Variants in STXBP5L observed in about 807,000 individuals in gnomAD.
STXBP5L encodes syntaxin-binding protein 5-like.
In STXBP5L, 65 loss-of-function variants were observed where a neutral mutation model predicts 144.5. The ratio of observed to expected loss-of-function variants is 0.45; its 90% CI spans 0.37 to 0.55. The LOEUF is 0.55. STXBP5L is among the 20% of genes least tolerant of loss of function. The probability of loss-of-function intolerance (pLI) is 0.00; values close to 1 mark genes in which losing one functional copy is unlikely to be tolerated. For missense variants in STXBP5L, 1,298 were observed against 1,405.5 expected (o/e 0.92, Z 1.22); for synonymous variants, 505 against 469.6 (o/e 1.08, Z -0.97).
intron 22 of STXBP5L, among the ~76,000 whole-genome samples, chr3:121,386,010 A>G (rs1360000207): frequency 2.0e-5 from 3 of 152,218 alleles, no homozygotes; most frequent in African/African-American, 7.2e-5. Flanking sequence ...TTATTAAAGT[A>G]TTATTTAGTT....
At chr3:121,216,540 G>T (rs773427576) in intron 10 of STXBP5L, among the ~76,000 whole-genome samples, 2 of 152,192 alleles carry the variant, frequency 1.3e-5, no homozygotes, top group Non-Finnish European at 2.9e-5. Flanking sequence ...ATTGCTGCCT[G>T]TTCCTTCCTC....
At chr3:121,310,570 G>A (rs1032399178) in intron 19 of STXBP5L, among the ~76,000 whole-genome samples, 8 of 151,526 alleles carry the variant, frequency 5.3e-5, no homozygotes, top group African/African-American at 1.7e-4. Context: ...AGCCGAAATC[G>A]TGCCACTGCA....
At chr3:120,971,287 G>A (rs1198439576) in intron 3 of STXBP5L, among the ~76,000 whole-genome samples, 1 of 151,852 alleles carries the variant, frequency 6.6e-6, no homozygotes. Flanking sequence ...TGGATATATT[G>A]AGTAGTGGAG....
chr3:121,004,165 A>C (rs1217590892), intron 3 of STXBP5L, among the ~76,000 whole-genome samples: 2 of 152,092 alleles, frequency 1.3e-5, no homozygotes, highest in African/African-American at 4.8e-5. Flanking sequence ...CATGATATTG[A>C]TTCTTCCTAC....
intron 3 of STXBP5L, among the ~76,000 whole-genome samples, chr3:120,979,831 CTTA>C (rs905857467): frequency 6.6e-6 from 1 of 152,116 alleles, no homozygotes; most frequent in African/African-American, 2.4e-5. Flanking sequence ...AGTTGGAGAT[CTTA>C]TTATCTTTTT....
Position 121,422,289 on chromosome 3 carries a change from G to A in STXBP5L, c.*3192G>A, listed in dbSNP as rs1375239014. ...ATACAGAAAGTGACTCTGAGCCTTA[G>A]TTACCATCAAAATTACATTCTATCT... On this transcript the variant is annotated 3_prime_UTR_variant, in exon 27 of 27. Coordinates refer to ENST00000471454, the MANE Select transcript of STXBP5L (RefSeq NM_001308330.2). 1 of 152,128 alleles carries A rather than the reference G, an allele frequency of 6.6e-6. No homozygotes were observed. Among genetic ancestry groups the A allele is most frequent in the Non-Finnish European group, 1.5e-5 (1 of 68,016 alleles). 9.4% of individuals were successfully genotyped at this position (152,128 alleles called of 1,614,324 possible). A position where few individuals can be genotyped will look rare whatever the true frequency, so the allele number is the denominator to read the frequency against.
chr3:121,379,289 G>A (rs2046270483), intron 21 of STXBP5L, among the ~76,000 whole-genome samples: 1 of 152,014 alleles, frequency 6.6e-6, no homozygotes, highest in African/African-American at 2.4e-5. Flanking sequence ...AAGAACAAAG[G>A]CAAGATATTA....
intron 19 of STXBP5L, among the ~76,000 whole-genome samples, chr3:121,293,619 G>C (rs1023675090): frequency 6.6e-6 from 1 of 152,194 alleles, no homozygotes; most frequent in Non-Finnish European, 1.5e-5. Flanking sequence ...CAACACTTTG[G>C]GAGGCCAAGG....
intron 3 of STXBP5L, among the ~76,000 whole-genome samples, chr3:121,005,186 T>G (rs1367964436): frequency 1.3e-5 from 2 of 152,146 alleles, no homozygotes; most frequent in Non-Finnish European, 2.9e-5. Flanking sequence ...GGTCCTGGAC[T>G]TTTTTTGGTT....
intron 20 of STXBP5L, among the ~76,000 whole-genome samples, chr3:121,356,369 C>G (rs535635486): frequency 2.0e-5 from 3 of 152,334 alleles, no homozygotes; most frequent in South Asian, 4.1e-4. Context: ...CCCGGCCACT[C>G]TGTTTACCTA....
intron 9 of STXBP5L, among the ~76,000 whole-genome samples, chr3:121,184,896 G>C (rs2047310306): frequency 6.6e-6 from 1 of 152,166 alleles, no homozygotes; most frequent in African/African-American, 2.4e-5. Flanking sequence ...CCAAAAGAGA[G>C]TGGGGACCAA....
At chr3:121,224,413 G>A (rs1310298311) in intron 11 of STXBP5L, among the ~76,000 whole-genome samples, 1 of 152,058 alleles carries the variant, frequency 6.6e-6, no homozygotes, top group Non-Finnish European at 1.5e-5. Context: ...ATTTACTTAT[G>A]TTTTTAATTG....
At chr3:121,202,123 AAT>A (rs1392495486) in intron 9 of STXBP5L, among the ~76,000 whole-genome samples, 1 of 152,124 alleles carries the variant, frequency 6.6e-6, no homozygotes, top group Non-Finnish European at 1.5e-5. Flanking sequence ...CAAATCCAAT[AAT>A]ACATTATTTA....
At position 121,183,278 on chromosome 3, in the gene STXBP5L, G is replaced by A. The variant is rs184065633; in HGVS notation, c.878-22645G>A. Among the ~76,000 whole-genome samples, 66 of 152,198 alleles carry A rather than the reference G, an allele frequency of 4.3e-4. 1 individual carries two copies. In the East Asian group the frequency reaches 7.1e-3, roughly 16 times the overall value. On this transcript the variant is annotated intron_variant, in intron 9 of 26. Coordinates refer to ENST00000471454, the MANE Select transcript of STXBP5L (RefSeq NM_001308330.2). Reference sequence around the variant, plus strand: ...CACCACTTCTAGTCAGCATAATACCGGAAGTCATAGACAAAGCAATCAGAC... The same window carrying A: ...CACCACTTCTAGTCAGCATAATACCAGAAGTCATAGACAAAGCAATCAGAC...
At chr3:121,342,779 C>G (rs1276523723) in intron 20 of STXBP5L, among the ~76,000 whole-genome samples, 1 of 146,582 alleles carries the variant, frequency 6.8e-6, no homozygotes, top group Non-Finnish European at 1.5e-5. Flanking sequence ...CAAGTCTTTG[C>G]TATTGTGAAT....
At chr3:121,226,982 C>T (rs2108299656) in intron 11 of STXBP5L, among the ~76,000 whole-genome samples, 1 of 152,252 alleles carries the variant, frequency 6.6e-6, no homozygotes, top group Admixed American at 6.6e-5. Flanking sequence ...TTACATATAA[C>T]ATTTCAGTTC....
chr3:121,325,773 A>G (rs1339420489), intron 20 of STXBP5L, among the ~76,000 whole-genome samples: 1 of 151,958 alleles, frequency 6.6e-6, no homozygotes, highest in African/African-American at 2.4e-5. Context: ...TTTAAAGCAA[A>G]CAAGGTATTT....
chr3:120,975,606 A>G lies in STXBP5L; in HGVS notation c.287+20569A>G, dbSNP rs552340196. On this transcript the variant is annotated intron_variant, in intron 3 of 26. Coordinates refer to ENST00000471454, the MANE Select transcript of STXBP5L (RefSeq NM_001308330.2). Reference sequence around the variant, plus strand: ...TTGAATAGGAGTGGTGAGAGAGGGCATCCCTGTCTTGTGCCAGTTTTCAAA... The same window carrying G: ...TTGAATAGGAGTGGTGAGAGAGGGCGTCCCTGTCTTGTGCCAGTTTTCAAA... 3.1e-3 allele frequency among the ~76,000 whole-genome samples: 466 copies of G among 152,308 alleles called. 4 individuals carry two copies. The highest frequency in any genetic ancestry group is 0.011 in the African/African-American group (448 of 41,568).
chr3:121,217,554 A>G (rs915023263), intron 10 of STXBP5L, among the ~76,000 whole-genome samples: 1 of 151,980 alleles, frequency 6.6e-6, no homozygotes, highest in South Asian at 2.1e-4. Context: ...GGGTACCTCC[A>G]TTGGAAATGC....
Sources: allele counts gnomAD v4.1 joint callset (sites outside exome capture counted in the v4.1 genomes callset), GRCh38; gene constraint gnomAD v4.1.1; transcripts MANE v1.5; gene names NCBI Gene and HGNC (gene_info 2026-07-23, HGNC 2026-07-21).